Variants in TFAP2D observed in about 807,000 individuals in gnomAD.
TFAP2D encodes transcription factor AP-2-delta.
TFAP2D carries 9 observed loss-of-function variants against 43.6 expected under a neutral mutation model. The ratio of observed to expected loss-of-function variants is 0.21; its 90% CI spans 0.12 to 0.36. The LOEUF is 0.36. Ranked by LOEUF, TFAP2D falls within the 10% of genes least tolerant of loss-of-function variation. The probability of loss-of-function intolerance (pLI) is 1.00; values close to 1 mark genes in which losing one functional copy is unlikely to be tolerated. For synonymous variants in TFAP2D, 256 were observed against 224.9 expected (o/e 1.14, Z -1.24); for missense variants, 513 against 561.4 (o/e 0.91, Z 0.87).
At chr6:50,756,370 G>T (rs1769265670) in intron 7 of TFAP2D, among the ~76,000 whole-genome samples, 1 of 151,676 alleles carries the variant, frequency 6.6e-6, no homozygotes. Context: ...TAGGCATAAA[G>T]AATACTCTAA....
At chr6:50,741,452 A>G (rs941293343) in intron 5 of TFAP2D, among the ~76,000 whole-genome samples, 5 of 152,040 alleles carry the variant, frequency 3.3e-5, no homozygotes, top group Non-Finnish European at 2.9e-5. Flanking sequence ...TCCACCCTCC[A>G]GAAGACCCCT....
chr6:50,715,738 CTCTCTCT>C, intron 2 of TFAP2D, 125 bp downstream of exon 2: 1 of 755,960 alleles, frequency 1.3e-6, no homozygotes, highest in Non-Finnish European at 2.1e-6. Context: ...CTCTCTCTCT[CTCTCTCT>C]CTCTCACACA....
At chr6:50,757,549 C>T (rs5016906) in intron 7 of TFAP2D, among the ~76,000 whole-genome samples, 1,774 of 34,524 alleles carry the variant, frequency 0.051, 72 homozygotes, top group East Asian at 0.14. Context: ...ATATAGAATA[C>T]ATATAATTAT....
chr6:50,731,455 C>A (rs893853936), intron 5 of TFAP2D, among the ~76,000 whole-genome samples: 1 of 151,838 alleles, frequency 6.6e-6, no homozygotes, highest in Admixed American at 6.6e-5. Flanking sequence ...TTCATACACA[C>A]ACACACACAC....
chr6:50,755,440 A>AC (rs1769251003), intron 7 of TFAP2D, among the ~76,000 whole-genome samples: 1 of 143,180 alleles, frequency 7.0e-6, no homozygotes, highest in Admixed American at 6.9e-5. Context: ...AAAAAAAAAA[A>AC]AAAAACTCAA....
intron 3 of TFAP2D, among the ~76,000 whole-genome samples, chr6:50,722,577 C>T (rs565067116): frequency 1.3e-5 from 2 of 151,962 alleles, no homozygotes; most frequent in Admixed American, 6.6e-5. Flanking sequence ...GACACCGGTC[C>T]CTTTCATTTC....
chr6:50,716,437 A>G (rs1768629148), intron 2 of TFAP2D, among the ~76,000 whole-genome samples: 1 of 148,152 alleles, frequency 6.7e-6, no homozygotes, highest in African/African-American at 2.5e-5. Context: ...GGAAAAAATA[A>G]AGAAGGAAGG....
chr6:50,736,041 G>A (rs1246721759), intron 5 of TFAP2D, among the ~76,000 whole-genome samples: 2 of 152,028 alleles, frequency 1.3e-5, no homozygotes, highest in African/African-American at 4.8e-5. Context: ...TTTTTGGGTG[G>A]TGGTGGTGAC....
chr6:50,718,521 C>A (rs113044997), intron 2 of TFAP2D, among the ~76,000 whole-genome samples: 26 of 152,202 alleles, frequency 1.7e-4, no homozygotes, highest in African/African-American at 6.0e-4. Flanking sequence ...TCTAGGGATT[C>A]CTCAATCCAT....
At chr6:50,748,845 T>C (rs1253737488) in intron 6 of TFAP2D, among the ~76,000 whole-genome samples, 1 of 151,846 alleles carries the variant, frequency 6.6e-6, no homozygotes, top group African/African-American at 2.4e-5. Context: ...AACATAGAAT[T>C]TGGATTTCAG....
chr6:50,772,929 A>T lies in TFAP2D; in HGVS notation c.*65A>T. On this transcript the variant is annotated 3_prime_UTR_variant, in exon 8 of 8. Coordinates refer to ENST00000008391, the MANE Select transcript of TFAP2D (RefSeq NM_172238.4). ...TGATATTTTTTCTAATATATATATCATTGAGGGTGACTAATCTTCAGTGGA... is the reference window on the plus strand; with the variant it reads ...TGATATTTTTTCTAATATATATATCTTTGAGGGTGACTAATCTTCAGTGGA... The T allele has an allele frequency of 7.0e-7, 1 of 1,437,104 alleles. No homozygotes were observed. Among genetic ancestry groups the T allele is most frequent in the South Asian group, 1.3e-5 (1 of 79,118 alleles). 89.0% of individuals were successfully genotyped at this position (1,437,104 alleles called of 1,614,324 possible). A position where few individuals can be genotyped will look rare whatever the true frequency, so the allele number is the denominator to read the frequency against.
At chr6:50,742,244 T>C (rs556347807) in intron 5 of TFAP2D, among the ~76,000 whole-genome samples, 2 of 152,144 alleles carry the variant, frequency 1.3e-5, no homozygotes, top group African/African-American at 2.4e-5. Flanking sequence ...CTTCTTTTAA[T>C]GTAGCATTGC....
At chr6:50,754,034 G>A (rs980572767) in intron 7 of TFAP2D, among the ~76,000 whole-genome samples, 1 of 151,846 alleles carries the variant, frequency 6.6e-6, no homozygotes, top group African/African-American at 2.4e-5. Context: ...AATCAATTCT[G>A]TAGTGTCAAG....
intron 7 of TFAP2D, among the ~76,000 whole-genome samples, chr6:50,756,146 G>A (rs943832318): frequency 1.3e-5 from 2 of 151,990 alleles, no homozygotes; most frequent in African/African-American, 4.8e-5. Flanking sequence ...ACAGGCATGT[G>A]AGCAACTGTA....
At chr6:50,745,891 A>G in intron 6 of TFAP2D, among the ~76,000 whole-genome samples, 1 of 152,184 alleles carries the variant, frequency 6.6e-6, no homozygotes, top group East Asian at 1.9e-4. Flanking sequence ...CAAATTTGAC[A>G]ATACAATAGG....
chr6:50,743,704 A>G (rs1769085919), intron 5 of TFAP2D, among the ~76,000 whole-genome samples: 1 of 151,974 alleles, frequency 6.6e-6, no homozygotes, highest in Non-Finnish European at 1.5e-5. Context: ...TCTTTTGTAT[A>G]TTTTGTATAT....
chr6:50,754,089 T>A (rs899319370), intron 7 of TFAP2D, among the ~76,000 whole-genome samples: 1 of 151,930 alleles, frequency 6.6e-6, no homozygotes, highest in African/African-American at 2.4e-5. Context: ...CTTTTTTATT[T>A]TGTAAAACTG....
At chr6:50,723,948 C>T (rs775822790) in intron 3 of TFAP2D, among the ~76,000 whole-genome samples, 8 of 152,148 alleles carry the variant, frequency 5.3e-5, no homozygotes, top group Non-Finnish European at 8.8e-5. Flanking sequence ...AAAGGAGAAG[C>T]TCATTCGGCC....
intron 7 of TFAP2D, among the ~76,000 whole-genome samples, chr6:50,770,900 A>T (rs1022269270): frequency 6.6e-6 from 1 of 152,118 alleles, no homozygotes; most frequent in African/African-American, 2.4e-5. Context: ...GTATATATAT[A>T]TATATTATAA....
Sources: gnomAD v4.1 joint callset for allele counts (sites outside exome capture counted in the v4.1 genomes callset) on GRCh38, gnomAD v4.1.1 for gene constraint, MANE v1.5 for transcripts, NCBI Gene and HGNC (gene_info 2026-07-23, HGNC 2026-07-21) for gene names.